The following ATG10 variants were observed in gnomAD, a reference collection of about 807,000 sequenced individuals.
The protein encoded by ATG10 is ubiquitin-like-conjugating enzyme ATG10.
ATG10 carries 30 observed loss-of-function variants against 32.1 expected under a neutral mutation model. The ratio of observed to expected loss-of-function variants is 0.94; its 90% confidence interval spans 0.70 to 1.27. ATG10 has a LOEUF of 1.27. Among genes scored for constraint, ATG10 ranks in the 50% most tolerant of loss-of-function variants. The probability of loss-of-function intolerance (pLI) is 0.00; values close to 1 mark genes in which losing one functional copy is unlikely to be tolerated. For synonymous variants in ATG10, 87 were observed against 91.5 expected, an observed-to-expected ratio of 0.95 and a Z score of 0.28; for missense variants, 233 against 262.3, an observed-to-expected ratio of 0.89 and a Z score of 0.77.
chr5:82,201,769 A>G (rs540953206), intron 5 of ATG10, among the ~76,000 whole-genome samples: 23 of 152,330 alleles, frequency 1.5e-4, no homozygotes, highest in African/African-American at 5.1e-4. Flanking sequence ...TGTGTGAATA[A>G]GGTATAACTC....
intron 5 of ATG10, among the ~76,000 whole-genome samples, chr5:82,189,548 T>A (rs1744578758): frequency 1.3e-5 from 2 of 152,240 alleles, no homozygotes; most frequent in Non-Finnish European, 2.9e-5. Context: ...TTAAAGTCTT[T>A]ACTGGCAGCT....
intron 3 of ATG10, among the ~76,000 whole-genome samples, chr5:82,143,727 G>GT (rs1468369994): frequency 1.3e-5 from 2 of 152,170 alleles, no homozygotes; most frequent in African/African-American, 2.4e-5. Context: ...TTCCCCTCTA[G>GT]TTTTTTCTGC....
intron 5 of ATG10, among the ~76,000 whole-genome samples, chr5:82,192,194 C>T (rs927978705): frequency 3.3e-5 from 5 of 152,096 alleles, no homozygotes; most frequent in South Asian, 4.1e-4. Context: ...TGGCCACATA[C>T]GGTCAGGTTT....
intron 3 of ATG10, among the ~76,000 whole-genome samples, chr5:82,160,719 G>A (rs1009625936): frequency 1.1e-4 from 17 of 152,136 alleles, no homozygotes; most frequent in Admixed American, 6.5e-5. Context: ...TGATATCTCA[G>A]TATAGTTTTA....
chr5:82,017,022 C>G (rs150421171), intron 2 of ATG10, among the ~76,000 whole-genome samples: 2 of 152,228 alleles, frequency 1.3e-5, no homozygotes, highest in East Asian at 3.9e-4. Flanking sequence ...AATATCAATT[C>G]AACCCCTCCA....
chr5:82,070,184 G>C (rs866939725), intron 3 of ATG10, among the ~76,000 whole-genome samples: 12 of 152,162 alleles, frequency 7.9e-5, no homozygotes, highest in Non-Finnish European at 1.3e-4. Flanking sequence ...CCTAAAGGCT[G>C]TCCCGATGGA....
At chr5:82,189,186 A>G (rs1199141926) in intron 5 of ATG10, among the ~76,000 whole-genome samples, 1 of 152,246 alleles carries the variant, frequency 6.6e-6, no homozygotes, top group Admixed American at 6.5e-5. Flanking sequence ...TACATATACT[A>G]TAACCATCAA....
At chr5:82,133,225 A>G (rs577129578) in intron 3 of ATG10, among the ~76,000 whole-genome samples, 21 of 152,252 alleles carry the variant, frequency 1.4e-4, no homozygotes, top group African/African-American at 4.8e-4. Context: ...TGCGGTGCAG[A>G]AGCTCTTTAG....
At chr5:82,024,764 G>T (rs965937618) in intron 2 of ATG10, among the ~76,000 whole-genome samples, 1 of 152,210 alleles carries the variant, frequency 6.6e-6, no homozygotes, top group East Asian at 1.9e-4. Flanking sequence ...TAAGCTAAGG[G>T]CTGGGTGGCA....
chr5:82,139,198 A>C (rs577093673), intron 3 of ATG10, among the ~76,000 whole-genome samples: 1 of 142,838 alleles, frequency 7.0e-6, no homozygotes, highest in East Asian at 2.1e-4. Context: ...ACTACAACCT[A>C]CACCTCCCAG....
intron 4 of ATG10, among the ~76,000 whole-genome samples, chr5:82,175,873 T>TCA (rs753141522): frequency 2.6e-5 from 4 of 151,488 alleles, no homozygotes; most frequent in South Asian, 2.1e-4. Flanking sequence ...TTGTTTATTT[T>TCA]CACACACACA....
At chr5:81,972,748 C>A (rs1174837727) in intron 1 of ATG10, among the ~76,000 whole-genome samples, 1 of 152,044 alleles carries the variant, frequency 6.6e-6, no homozygotes, top group Non-Finnish European at 1.5e-5. Flanking sequence ...TTAGAGCCAA[C>A]AGGTCTTTCT....
chr5:82,045,995 C>G (rs533042421), intron 2 of ATG10, among the ~76,000 whole-genome samples: 2 of 152,234 alleles, frequency 1.3e-5, no homozygotes, highest in East Asian at 3.9e-4. Flanking sequence ...TACCCTCTGC[C>G]TCATTCTTGG....
chr5:82,206,685 G>T (rs1387650104), intron 5 of ATG10, among the ~76,000 whole-genome samples: 1 of 151,704 alleles, frequency 6.6e-6, no homozygotes, highest in Non-Finnish European at 1.5e-5. Context: ...GAAGTGTAAT[G>T]TAAGAAGTAT....
chr5:82,181,419 C>G (rs1023398343), intron 5 of ATG10, among the ~76,000 whole-genome samples: 3 of 152,134 alleles, frequency 2.0e-5, no homozygotes, highest in African/African-American at 7.2e-5. Flanking sequence ...GAGATCTTGG[C>G]TTTTAATCCC....
chr5:82,188,447 A>T (rs1286297026), intron 5 of ATG10, among the ~76,000 whole-genome samples: 1 of 152,220 alleles, frequency 6.6e-6, no homozygotes, highest in East Asian at 1.9e-4. Flanking sequence ...ACAAAAATAA[A>T]ATACCATTTA....
intron 3 of ATG10, among the ~76,000 whole-genome samples, chr5:82,100,312 A>T (rs1248841663): frequency 6.6e-6 from 1 of 151,690 alleles, no homozygotes; most frequent in East Asian, 1.9e-4. Context: ...TGGCCCAGTG[A>T]TTTCTTTTTT....
chr5:82,012,579 G>T (rs1052348505), intron 2 of ATG10, among the ~76,000 whole-genome samples: 3 of 152,154 alleles, frequency 2.0e-5, no homozygotes, highest in African/African-American at 7.2e-5. Context: ...GTACAATTCT[G>T]TATGGTGGTC....
intron 5 of ATG10, among the ~76,000 whole-genome samples, chr5:82,217,128 TA>T (rs146817970): frequency 0.19 from 28,815 of 152,026 alleles, 3,105 homozygotes; most frequent in Middle Eastern, 0.28. Flanking sequence ...AGAAGCAGAA[TA>T]CTTAACCACT....
Sources: allele counts gnomAD v4.1 joint callset (sites outside exome capture counted in the v4.1 genomes callset), GRCh38; gene constraint gnomAD v4.1.1; transcripts MANE v1.5; gene names NCBI Gene and HGNC (gene_info 2026-07-23, HGNC 2026-07-21).